COL9A3: variants seen among roughly 807,000 people sequenced by gnomAD.
COL9A3 encodes collagen type IX alpha 3 chain, also known as collagen alpha-3(IX) chain.
In COL9A3, 82 loss-of-function variants were observed where a neutral mutation model predicts 110.2. The observed-to-expected ratio is 0.74, with a 90% CI of 0.62 to 0.89. COL9A3 has a LOEUF of 0.89. Among genes scored for constraint, COL9A3 ranks in the 40% least tolerant of loss-of-function variants. The pLI, the probability that COL9A3 is intolerant of heterozygous loss-of-function variation, is 0.00. For synonymous variants in COL9A3, 494 were observed against 403.8 expected (o/e 1.22, Z -2.68); for missense variants, 1,066 against 981.3 (o/e 1.09, Z -1.15).
rs779588171 is a variant in COL9A3 at position 62,822,144 on chromosome 20, C to G, written c.457C>G (p.Pro153Ala). The G allele has an allele frequency of 3.2e-6, 5 of 1,585,716 alleles. No homozygotes were observed. The highest frequency in any genetic ancestry group is 4.3e-6 in the Non-Finnish European group (5 of 1,154,970). ...TGGACTCCCCGGCCTCCCTGGTCCC[C>G]CAGGACCTCCCGGACCCCCTGTAAG... ...PSGLPGLPGPPGPPGPPGHPG... is the reference protein window; with the variant it reads ...PSGLPGLPGPAGPPGPPGHPG... The change falls in exon 9 of 32, where the codon CCA becomes GCA. Residue 153 changes from proline (P) to alanine (A), a missense_variant. Coordinates refer to ENST00000649368, the MANE Select transcript of COL9A3 (RefSeq NM_001853.4).
rs2063634368 is a variant in COL9A3 at position 62,836,248 on chromosome 20, T to A, written c.1463T>A (p.Val488Asp). The change falls in exon 28 of 32, where the codon GTT (valine) becomes GAT (aspartate). Residue 488 changes from valine (V) to aspartate (D), a missense_variant. Physicochemically the swap from Val to Asp is radical, Grantham distance 152. Transcript: ENST00000649368. ...CAGGGTCCCAACGGCACCAGCGGTG[T>A]TCAGGGTGTCCCCGGGCCCCCCGGT... Reference protein sequence around the residue: ...GTQGPNGTSGVQGVPGPPGPL... With the variant: ...GTQGPNGTSGDQGVPGPPGPL... 6.2e-7 allele frequency: 1 copy of A among 1,613,624 alleles called. No individual in the cohort carries two copies. Among genetic ancestry groups the A allele is most frequent in the Non-Finnish European group, 8.5e-7 (1 of 1,179,994 alleles).
intron 10 of COL9A3, among the ~76,000 whole-genome samples, chr20:62,823,608 C>T (rs976861873): frequency 6.6e-6 from 1 of 152,190 alleles, no homozygotes; most frequent in African/African-American, 2.4e-5. Context: ...GTTGGGCCCC[C>T]GATCGTGGGC....
At chr20:62,836,949 T>C (rs2063641267) in intron 29 of COL9A3, 134 bp from the exon 30 acceptor site, 1 of 1,197,498 alleles carries the variant, frequency 8.4e-7, no homozygotes, top group African/African-American at 1.5e-5. Context: ...CCAAAGCAGT[T>C]AAACCATTTT....
At chr20:62,832,344 C>T (rs576641933) in intron 25 of COL9A3, among the ~76,000 whole-genome samples, 155 bp downstream of exon 25, 1 of 152,320 alleles carries the variant, frequency 6.6e-6, no homozygotes, top group African/African-American at 2.4e-5. Flanking sequence ...CTTTCTGGCT[C>T]CTGCCCCTCC....
rs920074947 is a variant in COL9A3 at position 62,840,896 on chromosome 20, G to C, written c.*164G>C. 2 of 716,430 alleles carry C rather than the reference G, an allele frequency of 2.8e-6. No individual in the cohort carries two copies. Among genetic ancestry groups the C allele is most frequent in the Non-Finnish European group, 4.8e-6 (2 of 416,528 alleles). The allele number at this position is 716,430 out of a possible 1,614,324, so 44.4% of individuals were successfully genotyped here. A position where few individuals can be genotyped will look rare whatever the true frequency, so the allele number is the denominator to read the frequency against. ...GGCCTTGCCAGCGAGCACCCTCATC[G>C]GGCTGTCGCCTGACAGCATACCTCA... On this transcript the variant is annotated 3_prime_UTR_variant, in exon 32 of 32. Coordinates refer to ENST00000649368, the MANE Select transcript of COL9A3 (RefSeq NM_001853.4).
At chr20:62,817,498 G>T in intron 1 of COL9A3, 69 bp from the exon 2 acceptor site, 1 of 1,157,714 alleles carries the variant, frequency 8.6e-7, no homozygotes, top group South Asian at 1.3e-5. Context: ...CTCGGGACCC[G>T]GGAGGAGGGG....
At position 62,825,012 on chromosome 20, in the gene COL9A3, C is replaced by T. The variant is rs766330907; in HGVS notation, c.621C>T (p.Asp207=). 111 of 1,608,446 alleles carry T rather than the reference C, an allele frequency of 6.9e-5. No individual in the cohort carries two copies. The highest frequency in any genetic ancestry group is 9.9e-5 in the South Asian group (9 of 90,558). The change falls in exon 12 of 32, where the codon GAC becomes GAT. Residue 207 remains aspartate, a synonymous_variant. Transcript: ENST00000649368. ...GCGAGCAGGGGGAAGTCGGCAAGGA[C>T]GGCGAGAAGGTGAAGCTGCCGCACA... The part of the protein sequence containing the change: ...YKGEQGEVGK[D]GEKGDPGPPG...
chr20:62,825,967 C>A, intron 13 of COL9A3, 97 bp downstream of exon 13: 1 of 1,383,210 alleles, frequency 7.2e-7, no homozygotes, highest in Non-Finnish European at 1.0e-6. Flanking sequence ...CCAGCTCCGG[C>A]TGGGGGGTGT....
chr20:62,827,421 G>C (rs2063563192), intron 16 of COL9A3, 127 bp downstream of exon 16: 2 of 918,872 alleles, frequency 2.2e-6, no homozygotes, highest in Admixed American at 2.1e-5. Context: ...GTGGGCCTGG[G>C]GGTGCGTGGG....
In COL9A3 at chr20:62,837,535, G is replaced by A. The variant is rs538349328; in HGVS notation, c.1786+270G>A. Among the ~76,000 whole-genome samples the A allele has an allele frequency of 1.4e-4, 21 of 152,312 alleles. 1 individual carries two copies. In the South Asian group the frequency reaches 4.1e-3, roughly 30 times the overall value. On this transcript the variant is annotated intron_variant, in intron 30 of 31. Coordinates refer to ENST00000649368, the MANE Select transcript of COL9A3 (RefSeq NM_001853.4). Reference sequence around the variant, plus strand: ...ATTTAAAATGTGACGAAGGCTGGGCGCGGTGGCTCACGCCTGTAATCCCAA... The same window carrying A: ...ATTTAAAATGTGACGAAGGCTGGGCACGGTGGCTCACGCCTGTAATCCCAA...
chr20:62,818,472 G>C (rs1049724877), intron 2 of COL9A3, 46 bp from the exon 3 acceptor site: 1 of 1,586,050 alleles, frequency 6.3e-7, no homozygotes, highest in African/African-American at 1.3e-5. Flanking sequence ...GGGTTCTTGA[G>C]GGACCCCTGA....
At position 62,819,950 on chromosome 20, in the gene COL9A3, C is replaced by G. The variant is rs1255746198; in HGVS notation, c.277C>G (p.Pro93Ala). ...CCAGGGTCTGACTGGACGAGATGGA[C>G]CCCCTGGACCCAAGGGTGCCCCTGG... ...GVDGLTGRDG[P>A]PGPKGAPGER... Residue 93 changes from proline to alanine, a missense_variant, in exon 5 of 32, where the codon CCC becomes GCC. By Grantham distance (27) the Pro-to-Ala change is conservative. Transcript: ENST00000649368. 1 of 1,612,836 alleles carries G rather than the reference C, an allele frequency of 6.2e-7. No individual in the cohort carries two copies. The highest frequency in any genetic ancestry group is 1.3e-5 in the African/African-American group (1 of 75,044).
In COL9A3 at chr20:62,824,974, A is replaced by G. The variant is rs746531996; in HGVS notation, c.583A>G (p.Thr195Ala). 2 of 1,609,588 alleles carry G rather than the reference A, an allele frequency of 1.2e-6. No homozygotes were observed. The highest frequency in any genetic ancestry group is 1.7e-5 in the Admixed American group (1 of 59,782). ...PPGMPGFKGP[T>A]GYKGEQGEVG... ...ACCCCACATTTGCTTGCAGGGACCC[A>G]CTGGCTACAAAGGCGAGCAGGGGGA... The change falls in exon 12 of 32, where the codon ACT (threonine) becomes GCT (alanine). Residue 195 changes from threonine to alanine, a missense_variant. Transcript: ENST00000649368.
At position 62,817,624 on chromosome 20, in the gene COL9A3, G is replaced by T; in HGVS notation, c.136G>T (p.Asp46Tyr). The T allele has an allele frequency of 6.5e-7, 1 of 1,541,060 alleles. No homozygotes were observed. The highest frequency in any genetic ancestry group is 2.5e-5 in the East Asian group (1 of 40,660). ...PPGPPGKPGQDGIDGEAGPPG... is the reference protein window; with the variant it reads ...PPGPPGKPGQYGIDGEAGPPG... ...AGGGCCGCCCGGGAAGCCCGGCCAG[G>T]ACGGCATTGACGTGAGTTTGGGGGT... is the stretch of plus-strand genomic sequence containing the variant. The change falls in exon 2 of 32, where the codon GAC becomes TAC. Residue 46 changes from aspartate to tyrosine, a missense_variant. Physicochemically the swap from Asp to Tyr is radical, Grantham distance 160 (BLOSUM62 -3). Coordinates refer to ENST00000649368, the MANE Select transcript of COL9A3 (RefSeq NM_001853.4).
In COL9A3 at chr20:62,822,643, G is replaced by A; in HGVS notation, c.519+11G>A. 5.0e-6 allele frequency: 8 copies of A among 1,611,610 alleles called. No homozygotes were observed. Among genetic ancestry groups the A allele is most frequent in the East Asian group, 2.2e-5 (1 of 44,882 alleles). The stretch of plus-strand genomic sequence containing the variant: ...GCTACTGACCTTCAGGTAGGCACTT[G>A]AAGCCATTTGTTAAGGGTGCTGGGG... On this transcript the variant is annotated intron_variant, in intron 10 of 31. Transcript: ENST00000649368.
At chr20:62,838,662 C>T in intron 30 of COL9A3, 22 bp from the exon 31 acceptor site, 1 of 1,549,224 alleles carries the variant, frequency 6.5e-7, no homozygotes, top group Non-Finnish European at 8.7e-7. Flanking sequence ...AACCATATGT[C>T]TGTGTCCACA....
At chr20:62,840,278 CG>C (rs1414115882) in intron 31 of COL9A3, among the ~76,000 whole-genome samples, 28 of 151,878 alleles carry the variant, frequency 1.8e-4, no homozygotes, top group African/African-American at 5.6e-4. Flanking sequence ...ACCAAACCCG[CG>C]TAAGTCAGAG....
chr20:62,818,670 G>C lies in COL9A3; in HGVS notation c.183+117G>C, dbSNP rs570174430. ...CCTGCCGGAGCCCGGGTTGCCTGAG[G>C]GGAGGCCTCAGAGGGCTTGGAGCAG... On this transcript the variant is annotated intron_variant, in intron 3 of 31. Coordinates refer to ENST00000649368, the MANE Select transcript of COL9A3 (RefSeq NM_001853.4). The C allele has an allele frequency of 3.0e-3, 3,330 of 1,121,172 alleles. 8 individuals are homozygous for C. The highest frequency in any genetic ancestry group is 4.1e-3 in the Non-Finnish European group (3,063 of 744,588). The allele number at this position is 1,121,172 out of a possible 1,614,324, so 69.5% of individuals were successfully genotyped here.
chr20:62,836,587 C>T (rs756532146), intron 29 of COL9A3, 55 bp downstream of exon 29: 97 of 1,536,354 alleles, frequency 6.3e-5, no homozygotes, highest in Middle Eastern at 1.7e-4. Context: ...CTGGGGGTCC[C>T]GTGCCTGGGG....
Sources: gnomAD v4.1 joint callset for allele counts (sites outside exome capture counted in the v4.1 genomes callset) on GRCh38, gnomAD v4.1.1 for gene constraint, MANE v1.5 for transcripts, NCBI Gene and HGNC (gene_info 2026-07-23, HGNC 2026-07-21) for gene names.